Variants in COL5A2 observed in about 807,000 individuals in gnomAD.
COL5A2 encodes the protein collagen alpha-2(V) chain.
In COL5A2, 23 loss-of-function variants were observed where a neutral mutation model predicts 208.2. The observed-to-expected ratio is 0.11, with a 90% CI of 0.08 to 0.16. The LOEUF (loss-of-function observed/expected upper bound fraction) is 0.16, where lower values mean the gene tolerates loss of function less well. Ranked by LOEUF, COL5A2 falls within the 10% of genes least tolerant of loss-of-function variation. The pLI, the probability that COL5A2 is intolerant of heterozygous loss-of-function variation, is 1.00. For missense variants in COL5A2, 1,590 were observed against 1,956.4 expected, an observed-to-expected ratio of 0.81 and a Z score of 3.53; for synonymous variants, 625 against 628.5, an observed-to-expected ratio of 0.99 and a Z score of 0.08.
upstream of COL5A2, among the ~76,000 whole-genome samples, chr2:189,228,362 AAATT>A (rs1324878695): frequency 5.3e-5 from 8 of 151,916 alleles, no homozygotes; most frequent in East Asian, 1.9e-4. Flanking sequence ...AAAATCAACA[AAATT>A]AATTGGCCTT....
intron 2 of COL5A2, among the ~76,000 whole-genome samples, chr2:189,104,728 C>A (rs1356088562): frequency 2.0e-5 from 3 of 151,740 alleles, no homozygotes; most frequent in Non-Finnish European, 4.4e-5. Flanking sequence ...TTTACCCCCA[C>A]CCCCACAGGA....
the COL5A2 span, among the ~76,000 whole-genome samples, chr2:189,274,008 C>CA: frequency 1.2e-3 from 173 of 143,950 alleles, no homozygotes; most frequent in African/African-American, 2.7e-3. Flanking sequence ...ATTCTTACCA[C>CA]AAAAAAAAAA....
At chr2:189,162,093 T>C (rs1688378478) in intron 1 of COL5A2, among the ~76,000 whole-genome samples, 1 of 152,186 alleles carries the variant, frequency 6.6e-6, no homozygotes, top group Admixed American at 6.5e-5. Flanking sequence ...GTCCTCCACC[T>C]CTCAGGCAGT....
At chr2:189,109,042 T>C (rs1450515172) in intron 2 of COL5A2, among the ~76,000 whole-genome samples, 2 of 151,796 alleles carry the variant, frequency 1.3e-5, no homozygotes, top group Non-Finnish European at 2.9e-5. Context: ...ATATATTTTC[T>C]GGTGTGTTAT....
the COL5A2 span, among the ~76,000 whole-genome samples, chr2:189,374,692 A>AGGTGAATATACT: frequency 6.6e-6 from 1 of 152,206 alleles, no homozygotes; most frequent in East Asian, 1.9e-4. Context: ...AATTCTTTTC[A>AGGTGAATATACT]GGTGAATATA....
At chr2:189,363,953 G>C in the COL5A2 span, among the ~76,000 whole-genome samples, 9 of 152,098 alleles carry the variant, frequency 5.9e-5, no homozygotes, top group Non-Finnish European at 1.3e-4. Flanking sequence ...CTTACACTGG[G>C]GAAATATGTT....
the COL5A2 span, among the ~76,000 whole-genome samples, chr2:189,397,081 G>C: frequency 6.6e-6 from 1 of 151,970 alleles, no homozygotes; most frequent in African/African-American, 2.4e-5. Context: ...TAGTTTCATA[G>C]GTTGAAAACC....
chr2:189,065,207 G>A (rs935005866), intron 23 of COL5A2, 150 bp from the exon 24 acceptor site: 5 of 740,284 alleles, frequency 6.8e-6, no homozygotes, highest in African/African-American at 3.5e-5. Context: ...AATCTGACTC[G>A]ATGGAAAAAC....
At chr2:189,391,373 C>T in the COL5A2 span, among the ~76,000 whole-genome samples, 1 of 152,116 alleles carries the variant, frequency 6.6e-6, no homozygotes, top group Non-Finnish European at 1.5e-5. Context: ...ATCTCTGACT[C>T]GTGGCTAAGT....
the COL5A2 span, among the ~76,000 whole-genome samples, chr2:189,317,481 G>C: frequency 4.6e-5 from 7 of 152,192 alleles, no homozygotes; most frequent in Non-Finnish European, 1.0e-4. Context: ...TAGGTTCTGA[G>C]ATTTGAACTG....
At chr2:189,234,275 G>A in the COL5A2 span, among the ~76,000 whole-genome samples, 2 of 151,550 alleles carry the variant, frequency 1.3e-5, no homozygotes, top group Admixed American at 6.6e-5. Context: ...CTGTAATTTT[G>A]AAATCATTAT....
intron 1 of COL5A2, among the ~76,000 whole-genome samples, chr2:189,207,320 A>C (rs1039729013): frequency 1.3e-4 from 20 of 152,188 alleles, no homozygotes; most frequent in African/African-American, 4.6e-4. Flanking sequence ...ATATTTTTGT[A>C]TCACTGACCC....
At chr2:189,304,578 T>A in the COL5A2 span, among the ~76,000 whole-genome samples, 11 of 152,162 alleles carry the variant, frequency 7.2e-5, no homozygotes, top group African/African-American at 2.6e-4. Context: ...TGCCACACTT[T>A]AAAACAATCA....
chr2:189,415,280 A>G, the COL5A2 span, among the ~76,000 whole-genome samples: 2 of 152,180 alleles, frequency 1.3e-5, no homozygotes, highest in Non-Finnish European at 2.9e-5. Context: ...TTTCAAATAG[A>G]TAATTTAATT....
At chr2:189,109,706 C>A (rs558530964) in intron 2 of COL5A2, among the ~76,000 whole-genome samples, 48 of 152,096 alleles carry the variant, frequency 3.2e-4, no homozygotes, top group African/African-American at 1.1e-3. Context: ...ATTATTTTTT[C>A]TCCTGGAAAT....
chr2:189,058,540 T>C lies in COL5A2; in HGVS notation c.2131-13A>G. On this transcript the variant is annotated splice_polypyrimidine_tract_variant and intron_variant, in intron 32 of 53. Transcript: ENST00000374866. ...TTCCTCGTTCTCCCTAGCACAAAAT[T>C]GGGATGTCAAATAATCTCAATACTT... The C allele has an allele frequency of 1.2e-6, 2 of 1,604,218 alleles. No homozygotes were observed. The highest frequency in any genetic ancestry group is 1.7e-6 in the Non-Finnish European group (2 of 1,171,114).
At chr2:189,172,685 G>A (rs1688593377) in intron 1 of COL5A2, among the ~76,000 whole-genome samples, 1 of 152,002 alleles carries the variant, frequency 6.6e-6, no homozygotes, top group African/African-American at 2.4e-5. Flanking sequence ...ATACTACATA[G>A]ACTACAACGA....
the COL5A2 span, among the ~76,000 whole-genome samples, chr2:189,322,148 T>C: frequency 6.6e-6 from 1 of 152,150 alleles, no homozygotes; most frequent in African/African-American, 2.4e-5. Flanking sequence ...AGACACAACA[T>C]ACCAGAATCT....
At chr2:189,114,965 G>A (rs1399486062) in intron 1 of COL5A2, among the ~76,000 whole-genome samples, 1 of 151,938 alleles carries the variant, frequency 6.6e-6, no homozygotes, top group African/African-American at 2.4e-5. Flanking sequence ...TGCTGTTTAT[G>A]TTTAACTTTC....
Sources: allele counts gnomAD v4.1 joint callset (sites outside exome capture counted in the v4.1 genomes callset), GRCh38; gene constraint gnomAD v4.1.1; transcripts MANE v1.5; gene names NCBI Gene and HGNC (gene_info 2026-07-23, HGNC 2026-07-21).